The following CDH23 variants were observed in gnomAD, a reference collection of about 807,000 sequenced individuals.
CDH23 encodes cadherin-23.
A neutral mutation model predicts 317.1 loss-of-function variants in CDH23; 189 were observed. That is an observed-to-expected ratio of 0.60 (90% confidence interval 0.53 to 0.67). The LOEUF is 0.67. Among genes scored for constraint, CDH23 ranks in the 30% least tolerant of loss-of-function variants. The pLI, the probability that CDH23 is intolerant of heterozygous loss-of-function variation, is 0.00. For synonymous variants in CDH23, 1,839 were observed against 1,876.8 expected, an observed-to-expected ratio of 0.98 and a Z score of 0.52; for missense variants, 4,401 against 4,592.4, an observed-to-expected ratio of 0.96 and a Z score of 1.20.
rs778453484 is a variant in CDH23 at position 71,793,608 on chromosome 10, A to G, written c.6680A>G (p.Gln2227Arg). The G allele has an allele frequency of 6.2e-7, 1 of 1,604,260 alleles. No homozygotes were observed. The highest frequency in any genetic ancestry group is 1.3e-5 in the African/African-American group (1 of 74,904). The stretch of plus-strand genomic sequence containing the variant: ...GACACTGATCGCCTGGTGCCCAACC[A>G]GGAGGACGCCTTTGCTGTGAATATC... ...KDDTDRLVPNQEDAFAVNINT... is the reference protein window; with the variant it reads ...KDDTDRLVPNREDAFAVNINT... The change falls in exon 48 of 70, where the codon CAG (glutamine) becomes CGG (arginine). Residue 2227 changes from glutamine (Q) to arginine (R), a missense_variant. This residue lies in a region of CDH23 where 3,068 missense variants were observed against 3,203.3 expected (regional missense o/e 0.96). Coordinates refer to ENST00000224721, the MANE Select transcript of CDH23 (RefSeq NM_022124.6).
chr10:71,601,016 T>C (rs1460198904), intron 9 of CDH23, among the ~76,000 whole-genome samples: 1 of 152,166 alleles, frequency 6.6e-6, no homozygotes, highest in Non-Finnish European at 1.5e-5. Context: ...GCTGAGTGGG[T>C]TTGTGCTTAA....
At chr10:71,802,283 G>C (rs1437321761) in intron 53 of CDH23, among the ~76,000 whole-genome samples, 1 of 152,232 alleles carries the variant, frequency 6.6e-6, no homozygotes, top group Non-Finnish European at 1.5e-5. Context: ...ACTCCAGCCT[G>C]GGCAACAAGA....
chr10:71,527,729 C>G (rs1249043604), intron 6 of CDH23, among the ~76,000 whole-genome samples: 7 of 152,206 alleles, frequency 4.6e-5, no homozygotes, highest in Admixed American at 1.3e-4. Flanking sequence ...GTGATTTCGC[C>G]TCTCTGAGCC....
At chr10:71,505,544 C>A (rs1412139385) in intron 3 of CDH23, among the ~76,000 whole-genome samples, 1 of 152,184 alleles carries the variant, frequency 6.6e-6, no homozygotes, top group African/African-American at 2.4e-5. Flanking sequence ...TTAGGAGGAG[C>A]AGTCTCTGAT....
At chr10:71,576,044 C>T (rs1207472276) in intron 8 of CDH23, among the ~76,000 whole-genome samples, 2 of 152,244 alleles carry the variant, frequency 1.3e-5, no homozygotes, top group African/African-American at 4.8e-5. Flanking sequence ...TCCTGGAGAA[C>T]CGACTGGCCT....
chr10:71,703,382 A>G (rs1247520657), intron 24 of CDH23, among the ~76,000 whole-genome samples: 1 of 152,248 alleles, frequency 6.6e-6, no homozygotes, highest in Non-Finnish European at 1.5e-5. Flanking sequence ...CTCCAGCACC[A>G]GGGTGCTGTG....
chr10:71,475,683 A>T (rs866456053), intron 3 of CDH23, among the ~76,000 whole-genome samples: 2 of 152,254 alleles, frequency 1.3e-5, no homozygotes, highest in Middle Eastern at 3.4e-3. Context: ...CTGAGCAGGG[A>T]TGGCAGGCTG....
intron 3 of CDH23, among the ~76,000 whole-genome samples, chr10:71,495,157 A>G (rs1203338938): frequency 6.6e-6 from 1 of 152,200 alleles, no homozygotes; most frequent in Non-Finnish European, 1.5e-5. Flanking sequence ...ATCTCATTAG[A>G]AAAAGTGCAA....
intron 25 of CDH23, among the ~76,000 whole-genome samples, chr10:71,706,279 C>T (rs367643601): frequency 4.6e-5 from 7 of 152,224 alleles, no homozygotes; most frequent in Admixed American, 3.3e-4. Context: ...GAAATTAAAC[C>T]TTATTTCGGG....
intron 38 of CDH23, among the ~76,000 whole-genome samples, chr10:71,759,576 G>A (rs911014213): frequency 6.6e-6 from 1 of 151,458 alleles, no homozygotes; most frequent in African/African-American, 2.4e-5. Flanking sequence ...TTGGGAGGCC[G>A]AGGCAGTTAG....
At chr10:71,546,912 G>C (rs1359895482) in intron 6 of CDH23, among the ~76,000 whole-genome samples, 1 of 152,256 alleles carries the variant, frequency 6.6e-6, no homozygotes, top group African/African-American at 2.4e-5. Flanking sequence ...GAATGAATGA[G>C]AGGGAGAGAC....
intron 34 of CDH23, 96 bp from the exon 35 acceptor site, chr10:71,738,401 TG>T: frequency 7.0e-7 from 1 of 1,422,240 alleles, no homozygotes; most frequent in Non-Finnish European, 9.9e-7. Flanking sequence ...CAGAACCCAC[TG>T]GGGATCTGGT....
intron 1 of CDH23, among the ~76,000 whole-genome samples, chr10:71,432,257 AGAGT>A (rs1849408812): frequency 6.7e-6 from 1 of 149,782 alleles, no homozygotes; most frequent in Non-Finnish European, 1.5e-5. Flanking sequence ...CATGTGTTTG[AGAGT>A]GTGTGTGTGC....
At chr10:71,562,345 T>C (rs1857176241) in intron 6 of CDH23, among the ~76,000 whole-genome samples, 1 of 152,212 alleles carries the variant, frequency 6.6e-6, no homozygotes, top group Admixed American at 6.5e-5. Context: ...GATTTGCACG[T>C]TAATAGGAGT....
intron 1 of CDH23, among the ~76,000 whole-genome samples, chr10:71,410,638 C>T (rs1177231786): frequency 1.3e-5 from 2 of 152,168 alleles, no homozygotes; most frequent in Non-Finnish European, 2.9e-5. Context: ...AAAGTGATTA[C>T]CAGAGCCATT....
chr10:71,718,639 G>T (rs1370160771), intron 28 of CDH23, among the ~76,000 whole-genome samples: 1 of 152,222 alleles, frequency 6.6e-6, no homozygotes, highest in Admixed American at 6.5e-5. Flanking sequence ...AGTAAGAAAA[G>T]GGCAGTCTGA....
chr10:71,794,773 A>G (rs1452537152), intron 48 of CDH23: 1 of 152,266 alleles, frequency 6.6e-6, no homozygotes, highest in African/African-American at 2.4e-5. Context: ...GCAATCCAGC[A>G]TAAGGGACAC....
In CDH23 at chr10:71,741,738, C is replaced by A. The variant is rs771353319; in HGVS notation, c.4662C>A (p.Asp1554Glu). 2.2e-5 allele frequency: 35 copies of A among 1,612,190 alleles called. No homozygotes were observed. Among genetic ancestry groups the A allele is most frequent in the Non-Finnish European group, 3.0e-5 (35 of 1,179,210 alleles). The change falls in exon 38 of 70, where the codon GAC becomes GAA. Residue 1554 changes from aspartate (D) to glutamate (E), a missense_variant. Around this residue, in one of 3 missense-constraint regions of CDH23, gnomAD observed 3,068 missense variants for 3,203.3 expected, o/e 0.96. Transcript: ENST00000224721. ...GTAVVQVRAT[D>E]RDIGINSVLS... Reference sequence around the variant, plus strand: ...CTGTGGTCCAGGTGAGAGCCACTGACCGTGACATCGGGATCAACAGTGTTC... The same window carrying A: ...CTGTGGTCCAGGTGAGAGCCACTGAACGTGACATCGGGATCAACAGTGTTC...
At chr10:71,532,706 TTTTTG>T (rs1371338636) in intron 6 of CDH23, among the ~76,000 whole-genome samples, 22 of 76,044 alleles carry the variant, frequency 2.9e-4, no homozygotes, top group Admixed American at 6.1e-4. Context: ...TTTTCTTTTG[TTTTTG>T]TTTTTTTTTT....
Sources: allele counts gnomAD v4.1 joint callset (sites outside exome capture counted in the v4.1 genomes callset), GRCh38; gene constraint gnomAD v4.1.1; regional missense constraint gnomAD v4.1.1; transcripts MANE v1.5; gene names NCBI Gene and HGNC (gene_info 2026-07-23, HGNC 2026-07-21).